The following KLHL22 variants were observed in gnomAD, a reference collection of about 807,000 sequenced individuals.
KLHL22 encodes kelch-like protein 22.
KLHL22 carries 18 observed loss-of-function variants against 60.7 expected under a neutral mutation model. The observed-to-expected ratio is 0.30, with a 90% CI of 0.20 to 0.44. The LOEUF (loss-of-function observed/expected upper bound fraction) is 0.44, where lower values mean the gene tolerates loss of function less well. Ranked by LOEUF, KLHL22 falls within the 20% of genes least tolerant of loss-of-function variation. The pLI, the probability that KLHL22 is intolerant of heterozygous loss-of-function variation, is 1.00. For synonymous variants in KLHL22, 355 were observed against 354.5 expected, an observed-to-expected ratio of 1.00 and a Z score of -0.01; for missense variants, 596 against 852.3, an observed-to-expected ratio of 0.70 and a Z score of 3.74.
chr22:20,462,447 T>A (rs1016491404), intron 4 of KLHL22, among the ~76,000 whole-genome samples: 4 of 151,846 alleles, frequency 2.6e-5, no homozygotes, highest in Non-Finnish European at 5.9e-5. Context: ...CTAAAACTCC[T>A]GGACTCAAGC....
intron 3 of KLHL22, among the ~76,000 whole-genome samples, chr22:20,466,372 TAAAAAAAAAAAA>T (rs361874): frequency 3.7e-4 from 26 of 70,618 alleles, no homozygotes; most frequent in African/African-American, 1.4e-3. Flanking sequence ...AGACTCCGTC[TAAAAAAAAAAAA>T]AAAAAAAAAA....
intron 5 of KLHL22, among the ~76,000 whole-genome samples, chr22:20,452,297 AC>A (rs1254974118): frequency 6.6e-6 from 1 of 151,890 alleles, no homozygotes; most frequent in African/African-American, 2.4e-5. Flanking sequence ...TTTCTAATCT[AC>A]AGGTAGCTAG....
At chr22:20,460,074 C>CA (rs199728614) in intron 4 of KLHL22, among the ~76,000 whole-genome samples, 1,815 of 152,252 alleles carry the variant, frequency 0.012, 34 homozygotes, top group Non-Finnish European at 0.012. Flanking sequence ...GCACAGCACT[C>CA]ACAGGGGCCC....
At chr22:20,460,932 G>A (rs1048883690) in intron 4 of KLHL22, among the ~76,000 whole-genome samples, 2 of 152,246 alleles carry the variant, frequency 1.3e-5, no homozygotes, top group African/African-American at 4.8e-5. Flanking sequence ...GGGAGGCATG[G>A]CCTTTGGGAG....
chr22:20,442,645 G>A (rs1019341251), intron 6 of KLHL22, among the ~76,000 whole-genome samples: 1 of 152,244 alleles, frequency 6.6e-6, no homozygotes, highest in Non-Finnish European at 1.5e-5. Context: ...GAGTCTGCAG[G>A]AGGCTGTCTT....
At position 20,464,897 on chromosome 22, in the gene KLHL22, T is replaced by C; in HGVS notation, c.1073A>G (p.Asn358Ser). 6.4e-7 allele frequency: 1 copy of C among 1,557,286 alleles called. No individual in the cohort carries two copies. Among genetic ancestry groups the C allele is most frequent in the East Asian group, 2.2e-5 (1 of 44,512 alleles). Residue 358 changes from asparagine to serine, a missense_variant, in exon 4 of 7, where the codon AAC (asparagine) becomes AGC (serine). Transcript: ENST00000328879. ...CTCTGCTCGAAATCCTTGGACATTG[T>C]TGTCCCCTCCAATCAAGTATACGAA... ...NNFVYLIGGD[N>S]NVQGFRAESR...
chr22:20,484,093 T>A, intron 2 of KLHL22: 1 of 956,106 alleles, frequency 1.0e-6, no homozygotes, highest in Non-Finnish European at 1.7e-6. Context: ...GTAGAGCGAG[T>A]GGTGAAGCTC....
chr22:20,483,839 G>A (rs2053543933), intron 2 of KLHL22: 1 of 733,708 alleles, frequency 1.4e-6, no homozygotes, highest in Non-Finnish European at 2.5e-6. Flanking sequence ...AGGCCAGGCG[G>A]TCATTCAGGC....
At chr22:20,449,466 T>G (rs1157597182) in intron 5 of KLHL22, among the ~76,000 whole-genome samples, 1 of 151,996 alleles carries the variant, frequency 6.6e-6, no homozygotes, top group African/African-American at 2.4e-5. Flanking sequence ...AAAGGCACGG[T>G]CTCGGCTCAC....
chr22:20,450,734 A>T, intron 5 of KLHL22: 1 of 1,350,880 alleles, frequency 7.4e-7, no homozygotes, highest in South Asian at 1.2e-5. Flanking sequence ...TGGGTGAAGC[A>T]TGCCAAGAAA....
intron 2 of KLHL22, among the ~76,000 whole-genome samples, chr22:20,473,773 G>A (rs2053365102): frequency 6.6e-6 from 1 of 152,128 alleles, no homozygotes; most frequent in African/African-American, 2.4e-5. Context: ...TACTCAGGAG[G>A]CTGAGGCAGG....
rs572616091 is a variant in KLHL22 at position 20,483,325 on chromosome 22, C to T, written c.227+5660G>A. 71 of 724,836 alleles carry T rather than the reference C, an allele frequency of 9.8e-5. 1 individual carries two copies. The highest frequency in any genetic ancestry group is 2.1e-4 in the East Asian group (8 of 38,570). The allele number at this position is 724,836 out of a possible 1,614,324, so 44.9% of individuals were successfully genotyped here. A position where few individuals can be genotyped will look rare whatever the true frequency, so the allele number is the denominator to read the frequency against. On this transcript the variant is annotated intron_variant, in intron 2 of 6. Transcript: ENST00000328879. The stretch of plus-strand genomic sequence containing the variant: ...CTTGTCCAGCTCCTGTCGTTTCTTC[C>T]GAGCCAGCTCATCATATTGAGCCTG...
intron 1 of KLHL22, chr22:20,489,672 G>A: frequency 2.1e-6 from 1 of 470,902 alleles, no homozygotes; most frequent in South Asian, 1.5e-5. Flanking sequence ...TGAAGCATAA[G>A]CACACACCAG....
At chr22:20,487,007 C>T (rs1601390206) in intron 2 of KLHL22, among the ~76,000 whole-genome samples, 1 of 152,098 alleles carries the variant, frequency 6.6e-6, no homozygotes, top group South Asian at 2.1e-4. Context: ...GCAACCTCCG[C>T]CTCCTGGGTT....
intron 4 of KLHL22, among the ~76,000 whole-genome samples, chr22:20,459,841 G>C (rs956087424): frequency 6.6e-6 from 1 of 152,214 alleles, no homozygotes; most frequent in Admixed American, 6.5e-5. Flanking sequence ...ATGGAAACAG[G>C]CTAACCAGAG....
At position 20,457,862 on chromosome 22, in the gene KLHL22, C is replaced by T. The variant is rs761457457; in HGVS notation, c.1251G>A (p.Glu417=). ...AGGAGTTGGTGGCAGGGTCGTAGCG[C>T]TCCACAGCATTCAGGTCATTGTGGT... ...RDYHNDLNAV[E]RYDPATNSWA... is the part of the protein sequence containing the mutation. The change falls in exon 5 of 7, where the codon GAG becomes GAA. Residue 417 remains glutamate, a synonymous_variant. Coordinates refer to ENST00000328879, the MANE Select transcript of KLHL22 (RefSeq NM_032775.4). 1 of 1,611,334 alleles carries T rather than the reference C, an allele frequency of 6.2e-7. No homozygotes were observed. Among genetic ancestry groups the T allele is most frequent in the Non-Finnish European group, 8.5e-7 (1 of 1,178,830 alleles).
chr22:20,444,943 G>A (rs2052832558), intron 6 of KLHL22, among the ~76,000 whole-genome samples: 1 of 151,956 alleles, frequency 6.6e-6, no homozygotes, highest in Non-Finnish European at 1.5e-5. Context: ...CACCATGCCT[G>A]GCTAATTTTT....
At chr22:20,455,333 C>A (rs5753651) in intron 5 of KLHL22, among the ~76,000 whole-genome samples, 1 of 152,180 alleles carries the variant, frequency 6.6e-6, no homozygotes, top group Non-Finnish European at 1.5e-5. Flanking sequence ...GCCCAGACCA[C>A]GCAATGACCC....
chr22:20,479,664 C>A (rs1450018997), intron 2 of KLHL22, among the ~76,000 whole-genome samples: 1 of 152,064 alleles, frequency 6.6e-6, no homozygotes, highest in Non-Finnish European at 1.5e-5. Context: ...CCCCTGAACT[C>A]CAGCCTAGGT....
Sources: gnomAD v4.1 joint callset for allele counts (sites outside exome capture counted in the v4.1 genomes callset) on GRCh38, gnomAD v4.1.1 for gene constraint, MANE v1.5 for transcripts, NCBI Gene and HGNC (gene_info 2026-07-23, HGNC 2026-07-21) for gene names.